SMC2: variants seen among roughly 807,000 people sequenced by gnomAD.
SMC2 encodes the protein structural maintenance of chromosomes 2, also known as structural maintenance of chromosomes protein 2.
SMC2 carries 41 observed loss-of-function variants against 142.6 expected under a neutral mutation model. That is an observed-to-expected ratio of 0.29 (90% CI 0.22 to 0.37). SMC2 has a LOEUF of 0.37. Among genes scored for constraint, SMC2 ranks in the 10% least tolerant of loss-of-function variants. The pLI, the probability that SMC2 is intolerant of heterozygous loss-of-function variation, is 1.00. For synonymous variants in SMC2, 463 were observed against 457.5 expected (o/e 1.01, Z -0.15); for missense variants, 1,265 against 1,373.7 (o/e 0.92, Z 1.25).
chr9:104,101,170 A>G (rs1284563579), intron 7 of SMC2, among the ~76,000 whole-genome samples: 2 of 152,244 alleles, frequency 1.3e-5, no homozygotes, highest in Admixed American at 6.5e-5. Flanking sequence ...CCTGGGCTCA[A>G]GTGATCCACC....
chr9:104,129,907 T>A (rs1026185948), intron 21 of SMC2, 62 bp downstream of exon 21: 47 of 1,223,080 alleles, frequency 3.8e-5, no homozygotes, highest in Non-Finnish European at 5.6e-5. Context: ...GACAGCTCTG[T>A]ATGACCTCTG....
At chr9:104,089,392 T>C (rs920004328), upstream of SMC2, among the ~76,000 whole-genome samples, 2 of 152,224 alleles carry the variant, frequency 1.3e-5, no homozygotes, top group South Asian at 2.1e-4. Flanking sequence ...GAGGAGAATC[T>C]GGCAGATGTG....
chr9:104,114,651 T>C, intron 12 of SMC2, 40 bp from the exon 13 acceptor site: 1 of 1,554,428 alleles, frequency 6.4e-7, no homozygotes, highest in Non-Finnish European at 8.8e-7. Flanking sequence ...TTTTCTACTT[T>C]ATTATCTAAG....
rs201880531 is a variant in SMC2, at chr9:104,111,723, C to T, written c.1163C>T (p.Ser388Phe). The change falls in exon 10 of 25, where the codon TCC becomes TTC. Residue 388 changes from serine to phenylalanine, a missense_variant. By Grantham distance (155) the Ser-to-Phe change is radical. Transcript: ENST00000374793. ...QHFNAVSAGL[S>F]SNEDGAEATL... ...TTCAATGCTGTTTCCGCTGGCCTGT[C>T]CAGTAATGAAGATGGAGCAGAAGCA... is the stretch of plus-strand genomic sequence containing the variant. 3.7e-6 allele frequency: 6 copies of T among 1,613,844 alleles called. No homozygotes were observed. Among genetic ancestry groups the T allele is most frequent in the Non-Finnish European group, 5.1e-6 (6 of 1,179,916 alleles).
rs542816188 is a variant in SMC2 at position 104,096,424 on chromosome 9, A to G, written c.318+127A>G. 3.2e-5 allele frequency: 24 copies of G among 760,408 alleles called. 1 individual carries two copies. The African/African-American group carries it at 3.8e-4, about 12-fold the overall frequency. The allele number at this position is 760,408 out of a possible 1,614,324, so 47.1% of individuals were successfully genotyped here. On this transcript the variant is annotated intron_variant, in intron 3 of 24. Coordinates refer to ENST00000374793, the MANE Select transcript of SMC2 (RefSeq NM_006444.3). Reference sequence around the variant, plus strand: ...AAAATTGGTGCCTTAAATTCTGACTAGATTCCTTAATGTCTTCCTTATATT... The same window carrying G: ...AAAATTGGTGCCTTAAATTCTGACTGGATTCCTTAATGTCTTCCTTATATT...
intron 16 of SMC2, among the ~76,000 whole-genome samples, chr9:104,122,508 C>T (rs1203789283): frequency 6.7e-6 from 1 of 150,020 alleles, no homozygotes. Context: ...TTTCTAGTGA[C>T]AAGGTACTTT....
intron 9 of SMC2, among the ~76,000 whole-genome samples, chr9:104,105,334 G>A (rs1213683206): frequency 2.0e-5 from 3 of 152,074 alleles, no homozygotes; most frequent in African/African-American, 4.8e-5. Context: ...CCGTCTGCCC[G>A]CTTTCCAGGC....
At chr9:104,130,957 A>G (rs1834897761) in intron 21 of SMC2, among the ~76,000 whole-genome samples, 1 of 152,102 alleles carries the variant, frequency 6.6e-6, no homozygotes, top group Non-Finnish European at 1.5e-5. Context: ...AAGCAATTAC[A>G]TGGATTTTCA....
chr9:104,127,401 A>G lies in SMC2; in HGVS notation c.2711A>G (p.Asn904Ser), dbSNP rs201493765. The G allele has an allele frequency of 9.9e-6, 16 of 1,613,806 alleles. No homozygotes were observed. Among genetic ancestry groups the G allele is most frequent in the East Asian group, 8.9e-5 (4 of 44,862 alleles). The change falls in exon 20 of 25, where the codon AAT becomes AGT. Residue 904 changes from asparagine (N) to serine (S), a missense_variant. This residue lies in a region of SMC2 where 898 missense variants were observed against 904.2 expected (regional missense o/e 0.99). Transcript: ENST00000374793. ...GTGGCAAAACACAAGGAGCAAAACA[A>G]TGATTCTCAGCTTAAAATTAAGGAA... ...AEVAKHKEQN[N>S]DSQLKIKELD... is the part of the protein sequence containing the mutation.
At chr9:104,134,122 T>G (rs756174158) in intron 22 of SMC2, among the ~76,000 whole-genome samples, 2 of 152,114 alleles carry the variant, frequency 1.3e-5, no homozygotes, top group Admixed American at 6.6e-5. Context: ...CCCTGGAAAT[T>G]AGAGCAGGAT....
chr9:104,134,942 C>CA (rs1304767535), intron 23 of SMC2, among the ~76,000 whole-genome samples: 3 of 152,008 alleles, frequency 2.0e-5, no homozygotes, highest in Non-Finnish European at 4.4e-5. Flanking sequence ...GTTAAAAAGA[C>CA]AGATTAGAAT....
Position 104,094,467 on chromosome 9 carries a change from C to T in SMC2, c.-72C>T, listed in dbSNP as rs1830213786. The T allele has an allele frequency of 2.7e-6, 1 of 367,014 alleles. No homozygotes were observed. The highest frequency in any genetic ancestry group is 4.5e-5 in the East Asian group (1 of 22,170). 22.7% of individuals were successfully genotyped at this position (367,014 alleles called of 1,614,324 possible). On this transcript the variant is annotated 5_prime_UTR_variant, in exon 1 of 25. Coordinates refer to ENST00000374793, the MANE Select transcript of SMC2 (RefSeq NM_006444.3). ...TTTTGGGGTGCGTCAAGCCCCTGGC[C>T]TGAGGCAGCGGTGAGGCGTGTGCGT...
At chr9:104,137,914 G>A (rs1588015334) in intron 23 of SMC2, 104 bp from the exon 24 acceptor site, 5 of 693,752 alleles carry the variant, frequency 7.2e-6, no homozygotes, top group Non-Finnish European at 1.1e-5. Flanking sequence ...CTACCTTTCA[G>A]ATAAATCTGC....
intron 24 of SMC2, among the ~76,000 whole-genome samples, chr9:104,138,402 A>G (rs1473058429): frequency 2.0e-5 from 3 of 152,164 alleles, no homozygotes; most frequent in Non-Finnish European, 4.4e-5. Flanking sequence ...GGAGATTCCA[A>G]TTTAGTCATA....
chr9:104,091,840 GC>G (rs1829984695), upstream of SMC2, among the ~76,000 whole-genome samples: 1 of 113,160 alleles, frequency 8.8e-6, no homozygotes, highest in Non-Finnish European at 1.8e-5. Flanking sequence ...TTGCTTTGTG[GC>G]TGTATGTGTG....
At chr9:104,119,359 C>A (rs991925842) in intron 15 of SMC2, among the ~76,000 whole-genome samples, 12 of 152,118 alleles carry the variant, frequency 7.9e-5, no homozygotes, top group African/African-American at 2.9e-4. Context: ...TTTTAATTGA[C>A]CTTAGCATTC....
chr9:104,123,591 T>TTGTATGTTCA, intron 17 of SMC2, among the ~76,000 whole-genome samples: 1 of 152,322 alleles, frequency 6.6e-6, no homozygotes, highest in African/African-American at 2.4e-5. Context: ...GGATCTTTTT[T>TTGTATGTTCA]TGTATGTTCA....
chr9:104,136,457 G>T (rs1835535540), intron 23 of SMC2, among the ~76,000 whole-genome samples: 1 of 152,078 alleles, frequency 6.6e-6, no homozygotes, highest in Non-Finnish European at 1.5e-5. Context: ...CCTAGAAAAT[G>T]TTTTGAGGAA....
At chr9:104,133,773 G>A (rs1002613380) in intron 22 of SMC2, among the ~76,000 whole-genome samples, 3 of 151,992 alleles carry the variant, frequency 2.0e-5, no homozygotes, top group Non-Finnish European at 1.5e-5. Context: ...TTTTCTCTTG[G>A]GATGTAATCC....
Sources: allele counts gnomAD v4.1 joint callset (sites outside exome capture counted in the v4.1 genomes callset), GRCh38; gene constraint gnomAD v4.1.1; regional missense constraint gnomAD v4.1.1; transcripts MANE v1.5; gene names NCBI Gene and HGNC (gene_info 2026-07-23, HGNC 2026-07-21).